Variants in MAML1 observed in about 807,000 individuals in gnomAD.
MAML1 encodes mastermind like transcriptional coactivator 1, also known as mastermind-like protein 1.
In MAML1, 14 loss-of-function variants were observed where a neutral mutation model predicts 77.1. That is an observed-to-expected ratio of 0.18 (90% confidence interval 0.12 to 0.28). MAML1 has a LOEUF of 0.28. Ranked by LOEUF, MAML1 falls within the 10% of genes least tolerant of loss-of-function variation. The pLI, the probability that MAML1 is intolerant of heterozygous loss-of-function variation, is 1.00. For synonymous variants in MAML1, 516 were observed against 551.9 expected (o/e 0.93, Z 0.91); for missense variants, 1,217 against 1,327.8 (o/e 0.92, Z 1.30).
At position 179,766,792 on chromosome 5, in the gene MAML1, G is replaced by A. The variant is rs1461187464; in HGVS notation, c.1731+51G>A. ...TCCTCTGCTGCAGACACTTCAGTGAGGTTACTCACTACTTTGGATGTTAAT... is the reference window on the plus strand; with the variant it reads ...TCCTCTGCTGCAGACACTTCAGTGAAGTTACTCACTACTTTGGATGTTAAT... On this transcript the variant is annotated intron_variant, in intron 2 of 4. Coordinates refer to ENST00000292599, the MANE Select transcript of MAML1 (RefSeq NM_014757.5). This position sits in a 1 kb window ranked among gnomAD's most constrained non-coding sequence, Gnocchi z 4.0. 7.0e-7 allele frequency: 1 copy of A among 1,422,208 alleles called. No individual in the cohort carries two copies. Among genetic ancestry groups the A allele is most frequent in the Non-Finnish European group, 9.4e-7 (1 of 1,060,646 alleles). The allele number at this position is 1,422,208 out of a possible 1,614,324, so 88.1% of individuals were successfully genotyped here.
chr5:179,744,277 C>G (rs1286100400), intron 1 of MAML1, among the ~76,000 whole-genome samples: 1 of 152,116 alleles, frequency 6.6e-6, no homozygotes, highest in Non-Finnish European at 1.5e-5. Context: ...CTCCACTCCC[C>G]CGGGTTTAAG....
rs1779106010 is a variant in MAML1 at position 179,733,381 on chromosome 5, C to T, written c.269C>T (p.Pro90Leu). ...GCCCCGGCGCCCGCCGCCCCGGCCCCGCGCCTGGACGCCGCTGACGGCCCC... is the reference window on the plus strand; with the variant it reads ...GCCCCGGCGCCCGCCGCCCCGGCCCTGCGCCTGGACGCCGCTGACGGCCCC... ...ATAPAPAAPA[P>L]RLDAADGPEH... The change falls in exon 1 of 5, where the codon CCG (proline) becomes CTG (leucine). Residue 90 changes from proline to leucine, a missense_variant. This residue lies in a region of MAML1 where 312 missense variants were observed against 331.4 expected (regional missense o/e 0.94). Transcript: ENST00000292599. 5 of 1,196,330 alleles carry T rather than the reference C, an allele frequency of 4.2e-6. No individual in the cohort carries two copies. Among genetic ancestry groups the T allele is most frequent in the Non-Finnish European group, 4.1e-6 (4 of 970,760 alleles). 74.1% of individuals were successfully genotyped at this position (1,196,330 alleles called of 1,614,324 possible).
At chr5:179,749,147 G>C (rs1213980838) in intron 1 of MAML1, among the ~76,000 whole-genome samples, 1 of 151,920 alleles carries the variant, frequency 6.6e-6, no homozygotes, top group African/African-American at 2.4e-5. Flanking sequence ...TGTTGTTTGA[G>C]ATGGAGTTTT....
At chr5:179,765,265 T>C (rs1463917233) in intron 1 of MAML1, 61 bp from the exon 2 acceptor site, 34 of 1,432,178 alleles carry the variant, frequency 2.4e-5, no homozygotes, top group Non-Finnish European at 2.8e-5. Context: ...CCTTGGCTTG[T>C]TACTGTCATA....
At chr5:179,743,163 C>CT (rs1488311569) in intron 1 of MAML1, among the ~76,000 whole-genome samples, 1 of 150,642 alleles carries the variant, frequency 6.6e-6, no homozygotes, top group Admixed American at 6.7e-5. Context: ...AGTGATTCCC[C>CT]TGCCTCAGCC....
intron 1 of MAML1, among the ~76,000 whole-genome samples, chr5:179,756,557 G>A (rs1779624723): frequency 6.6e-6 from 1 of 152,032 alleles, no homozygotes; most frequent in Non-Finnish European, 1.5e-5. Flanking sequence ...AGTTAATTGG[G>A]AATCAGATCA....
intron 1 of MAML1, among the ~76,000 whole-genome samples, chr5:179,741,819 C>A (rs1779289774): frequency 6.6e-6 from 1 of 151,940 alleles, no homozygotes; most frequent in African/African-American, 2.4e-5. Flanking sequence ...ATTTGAGGAA[C>A]ACTGGGCTAA....
rs115809508 is a variant in MAML1 at position 179,763,267 on chromosome 5, C to G, written c.316-2059C>G. 6.3e-3 allele frequency among the ~76,000 whole-genome samples: 958 copies of G among 152,312 alleles called. 12 individuals are homozygous for G. The highest frequency in any genetic ancestry group is 0.02 in the African/African-American group (832 of 41,570). On this transcript the variant is annotated intron_variant, in intron 1 of 4. Transcript: ENST00000292599. ...TTTACCTTCCACAAGGAAAACTTTT[C>G]AAATAATGGCTTTTTATAAAGGGTC...
At chr5:179,735,900 C>T (rs1180952418) in intron 1 of MAML1, among the ~76,000 whole-genome samples, 3 of 151,542 alleles carry the variant, frequency 2.0e-5, no homozygotes, top group Non-Finnish European at 4.4e-5. Context: ...GTTGGGCAGG[C>T]TGGTCTCGAA....
intron 4 of MAML1, 80 bp from the exon 5 acceptor site, chr5:179,773,815 C>T (rs911381624): frequency 1.0e-4 from 153 of 1,530,634 alleles, no homozygotes; most frequent in Admixed American, 4.4e-4. Context: ...GAACGTGAGA[C>T]TTCTGGTGCT....
Position 179,733,098 on chromosome 5 carries a change from T to TGCAGCCCGC in MAML1, c.-13_-5dup. ...GAGGCCCGGCCCCGGGCCCGGCCCG[T>TGCAGCCCGC]GCAGCCCGCGGCCCATGGTGCTGCC... On this transcript the variant is annotated 5_prime_UTR_variant, in exon 1 of 5. Coordinates refer to ENST00000292599, the MANE Select transcript of MAML1 (RefSeq NM_014757.5). 1 of 1,360,160 alleles carries TGCAGCCCGC rather than the reference T, an allele frequency of 7.4e-7. No homozygotes were observed. Among genetic ancestry groups the TGCAGCCCGC allele is most frequent in the Non-Finnish European group, 9.5e-7 (1 of 1,056,626 alleles). 84.3% of individuals were successfully genotyped at this position (1,360,160 alleles called of 1,614,324 possible).
intron 1 of MAML1, among the ~76,000 whole-genome samples, chr5:179,754,517 G>A (rs1250563037): frequency 6.6e-6 from 1 of 152,070 alleles, no homozygotes; most frequent in Non-Finnish European, 1.5e-5. Context: ...TAGAGCTCGG[G>A]AGGTGGAGGC....
intron 1 of MAML1, among the ~76,000 whole-genome samples, chr5:179,750,050 T>C (rs1373005898): frequency 1.3e-5 from 2 of 152,250 alleles, no homozygotes; most frequent in Non-Finnish European, 2.9e-5. Flanking sequence ...GCTCACCTCC[T>C]GGAGCCTCCA....
At chr5:179,743,318 C>T (rs929744579) in intron 1 of MAML1, among the ~76,000 whole-genome samples, 1 of 149,498 alleles carries the variant, frequency 6.7e-6, no homozygotes, top group Non-Finnish European at 1.5e-5. Context: ...TCCCAAAGTG[C>T]TGGGATTACA....
At chr5:179,743,027 T>A (rs988376505) in intron 1 of MAML1, among the ~76,000 whole-genome samples, 1 of 148,576 alleles carries the variant, frequency 6.7e-6, no homozygotes, top group African/African-American at 2.5e-5. Flanking sequence ...AATGTTGAAA[T>A]ACTGTGAACC....
At chr5:179,735,245 C>T (rs552277948) in intron 1 of MAML1, among the ~76,000 whole-genome samples, 2 of 152,240 alleles carry the variant, frequency 1.3e-5, no homozygotes, top group East Asian at 3.9e-4. Context: ...CTCCTCCATC[C>T]CTTTCAGAAT....
chr5:179,741,683 C>CA (rs10617185), intron 1 of MAML1, among the ~76,000 whole-genome samples: 1,843 of 88,954 alleles, frequency 0.021, 46 homozygotes, highest in African/African-American at 0.06. Flanking sequence ...GAGACTGTCT[C>CA]AAAAAAAAAA....
intron 1 of MAML1, among the ~76,000 whole-genome samples, chr5:179,749,202 A>C (rs139712650): frequency 0.013 from 2,034 of 152,134 alleles, 37 homozygotes; most frequent in African/African-American, 0.043. Context: ...ATCTCTGCTC[A>C]CTGCAACCTC....
intron 1 of MAML1, among the ~76,000 whole-genome samples, chr5:179,755,382 A>T (rs1017900537): frequency 1.3e-5 from 2 of 152,238 alleles, no homozygotes; most frequent in Non-Finnish European, 2.9e-5. Context: ...TGAGCATTAG[A>T]CTTGGCCCTG....
Sources: allele counts gnomAD v4.1 joint callset (sites outside exome capture counted in the v4.1 genomes callset), GRCh38; gene constraint gnomAD v4.1.1; regional missense constraint gnomAD v4.1.1; non-coding constraint Gnocchi (gnomAD v3.1); transcripts MANE v1.5; gene names NCBI Gene and HGNC (gene_info 2026-07-23, HGNC 2026-07-21).